The following KIRREL3 variants were observed in gnomAD, a reference collection of about 807,000 sequenced individuals.
KIRREL3 encodes the protein kirre like nephrin family adhesion molecule 3.
A neutral mutation model predicts 89.7 loss-of-function variants in KIRREL3; 36 were observed. That is an observed-to-expected ratio of 0.40 (90% CI 0.31 to 0.53). The LOEUF (loss-of-function observed/expected upper bound fraction) is 0.53. Ranked by LOEUF, KIRREL3 falls within the 20% of genes least tolerant of loss-of-function variation. KIRREL3 has a pLI of 0.49. For missense variants in KIRREL3, 864 were observed against 1,056.6 expected (o/e 0.82, Z 2.53); for synonymous variants, 445 against 441.4 (o/e 1.01, Z -0.10).
At chr11:126,789,525 T>C (rs115906383) in intron 1 of KIRREL3, among the ~76,000 whole-genome samples, 3,527 of 152,244 alleles carry the variant, frequency 0.023, 139 homozygotes, top group African/African-American at 0.081. Flanking sequence ...CACTTCACCT[T>C]CTCTCATTCA....
At chr11:126,581,944 C>T (rs961469753) in intron 1 of KIRREL3, among the ~76,000 whole-genome samples, 2 of 152,114 alleles carry the variant, frequency 1.3e-5, no homozygotes, top group East Asian at 1.9e-4. Context: ...CTCCTGGATC[C>T]CTAGTTACAC....
rs1955104906 is a variant in KIRREL3, at chr11:126,430,905, C to G, written c.1696+514G>C. 1 of 916,154 alleles carries G rather than the reference C, an allele frequency of 1.1e-6. No homozygotes were observed. Among genetic ancestry groups the G allele is most frequent in the Non-Finnish European group, 1.3e-6 (1 of 760,318 alleles). 56.8% of individuals were successfully genotyped at this position (916,154 alleles called of 1,614,324 possible). On this transcript the variant is annotated intron_variant, in intron 14 of 16. Transcript: ENST00000525144. This position sits in a 1 kb window ranked among gnomAD's most constrained non-coding sequence, Gnocchi z 6.6. ...ACGCAATTCTTCAAGCGTGCACAAA[C>G]ACTAGAATTTTATTGGTAATCACTG...
At chr11:126,473,005 G>C (rs1252504372) in intron 5 of KIRREL3, among the ~76,000 whole-genome samples, 20 of 21,916 alleles carry the variant, frequency 9.1e-4, no homozygotes, top group Middle Eastern at 0.033. Flanking sequence ...CCCAGCCCCT[G>C]CCAACCAGCC....
At chr11:126,483,502 A>G (rs1290097214) in intron 4 of KIRREL3, among the ~76,000 whole-genome samples, 1 of 152,218 alleles carries the variant, frequency 6.6e-6, no homozygotes. Flanking sequence ...TGTTTGATTC[A>G]GAACTGGGCC....
chr11:126,986,852 T>C (rs558940553), intron 1 of KIRREL3, among the ~76,000 whole-genome samples: 5 of 152,340 alleles, frequency 3.3e-5, no homozygotes, highest in Admixed American at 6.5e-5. Flanking sequence ...CCTTGTAGAC[T>C]TACTATCAGC....
chr11:126,999,166 G>A lies in KIRREL3; in HGVS notation c.55+1289C>T, dbSNP rs1317600759. On this transcript the variant is annotated intron_variant, in intron 1 of 16. Coordinates refer to ENST00000525144, the MANE Select transcript of KIRREL3 (RefSeq NM_032531.4). The surrounding 1 kb of genome is among the most constrained non-coding windows in gnomAD (Gnocchi z 5.7). ...AATACATGAGTGTGTGTGTGTGTGTGTGTGTACATACATTATCATTATACA... is the reference window on the plus strand; with the variant it reads ...AATACATGAGTGTGTGTGTGTGTGTATGTGTACATACATTATCATTATACA... Among the ~76,000 whole-genome samples, 1 of 151,982 alleles carries A rather than the reference G, an allele frequency of 6.6e-6. No individual in the cohort carries two copies. The highest frequency in any genetic ancestry group is 2.4e-5 in the African/African-American group (1 of 41,298).
chr11:126,869,190 G>A (rs1001017456), intron 1 of KIRREL3, among the ~76,000 whole-genome samples: 7 of 146,576 alleles, frequency 4.8e-5, no homozygotes, highest in Non-Finnish European at 1.0e-4. Context: ...GCAGGACATG[G>A]CAGAATCCCT....
chr11:126,608,220 C>A lies in KIRREL3; in HGVS notation c.56-45308G>T, dbSNP rs538611858. On this transcript the variant is annotated intron_variant, in intron 1 of 16. Coordinates refer to ENST00000525144, the MANE Select transcript of KIRREL3 (RefSeq NM_032531.4). This position sits in a 1 kb window ranked among gnomAD's most constrained non-coding sequence, Gnocchi z 4.9. ...GGTGGGAGAGAAAAGCAGGAGGCAGCTGAAGGGGGCGGTCTCAGAAGCCCC... is the reference window on the plus strand; with the variant it reads ...GGTGGGAGAGAAAAGCAGGAGGCAGATGAAGGGGGCGGTCTCAGAAGCCCC... Among the ~76,000 whole-genome samples the A allele has an allele frequency of 2.4e-4, 36 of 152,266 alleles. No homozygotes were observed. The highest frequency in any genetic ancestry group is 4.4e-4 in the Non-Finnish European group (30 of 68,026).
rs1189788013 is a variant in KIRREL3 at position 126,993,539 on chromosome 11, T to A, written c.55+6916A>T. On this transcript the variant is annotated intron_variant, in intron 1 of 16. Coordinates refer to ENST00000525144, the MANE Select transcript of KIRREL3 (RefSeq NM_032531.4). This position sits in a 1 kb window ranked among gnomAD's most constrained non-coding sequence, Gnocchi z 6.1. ...GCTGATCCACCTGTTTTCAGAACAC[T>A]CTGACAGCTCTGAACCCATCATATT... 6.6e-6 allele frequency among the ~76,000 whole-genome samples: 1 copy of A among 152,198 alleles called. No homozygotes were observed. The highest frequency in any genetic ancestry group is 1.5e-5 in the Non-Finnish European group (1 of 68,026).
chr11:126,715,581 G>C lies in KIRREL3; in HGVS notation c.56-152669C>G, dbSNP rs1947924021. Among the ~76,000 whole-genome samples, 1 of 152,116 alleles carries C rather than the reference G, an allele frequency of 6.6e-6. No homozygotes were observed. Among genetic ancestry groups the C allele is most frequent in the Admixed American group, 6.6e-5 (1 of 15,266 alleles). On this transcript the variant is annotated intron_variant, in intron 1 of 16. Transcript: ENST00000525144. This position sits in a 1 kb window ranked among gnomAD's most constrained non-coding sequence, Gnocchi z 4.4. ...ATTGCAGGCTGCTTGAGAAAATGCA[G>C]TTTGGGAATATAGGAGAACGTGGAC...
intron 1 of KIRREL3, among the ~76,000 whole-genome samples, chr11:126,928,202 G>A (rs1428297719): frequency 1.3e-5 from 2 of 152,254 alleles, no homozygotes; most frequent in African/African-American, 2.4e-5. Context: ...ATGTGCAGGA[G>A]TTTGCTAGGT....
rs909476071 is a variant in KIRREL3 at position 126,929,789 on chromosome 11, A to C, written c.55+70666T>G. On this transcript the variant is annotated intron_variant, in intron 1 of 16. Transcript: ENST00000525144. ...ATTCATCAGGCTGCACATTTGCCTA[A>C]GAGCGATTCCACGCTAAACATAACT... Among the ~76,000 whole-genome samples, 3 of 152,358 alleles carry C rather than the reference A, an allele frequency of 2.0e-5. No individual in the cohort carries two copies. The Middle Eastern group carries it at 0.01, about 518-fold the overall frequency.
rs956194827 is a variant in KIRREL3 at position 126,645,569 on chromosome 11, C to T, written c.56-82657G>A. 2.2e-4 allele frequency among the ~76,000 whole-genome samples: 33 copies of T among 152,140 alleles called. No homozygotes were observed. Among genetic ancestry groups the T allele is most frequent in the African/African-American group, 8.0e-4 (33 of 41,432 alleles). ...TGCACTTGAACTGGGCTACAGTGTTCCACCAGAGGCCTTCCACATCTAAAT... is the reference window on the plus strand; with the variant it reads ...TGCACTTGAACTGGGCTACAGTGTTTCACCAGAGGCCTTCCACATCTAAAT... On this transcript the variant is annotated intron_variant, in intron 1 of 16. Coordinates refer to ENST00000525144, the MANE Select transcript of KIRREL3 (RefSeq NM_032531.4). The surrounding 1 kb of genome is among the most constrained non-coding windows in gnomAD (Gnocchi z 4.9).
rs1361394053 is a variant in KIRREL3 at position 126,985,175 on chromosome 11, C to T, written c.55+15280G>A. Among the ~76,000 whole-genome samples, 2 of 152,112 alleles carry T rather than the reference C, an allele frequency of 1.3e-5. No individual in the cohort carries two copies. Among genetic ancestry groups the T allele is most frequent in the East Asian group, 1.9e-4 (1 of 5,190 alleles). ...GGCAATAATAATGATAAATAGAGCA[C>T]GTTCTCTGATGAAACACTTTCATGG... On this transcript the variant is annotated intron_variant, in intron 1 of 16. Transcript: ENST00000525144. The surrounding 1 kb of genome is among the most constrained non-coding windows in gnomAD (Gnocchi z 5.3).
chr11:126,810,659 T>C (rs1951352688), intron 1 of KIRREL3, among the ~76,000 whole-genome samples: 1 of 152,174 alleles, frequency 6.6e-6, no homozygotes, highest in African/African-American at 2.4e-5. Flanking sequence ...AGAGGCTGCT[T>C]GCAGCCAGAG....
rs921998284 is a variant in KIRREL3 at position 126,769,416 on chromosome 11, A to G, written c.56-206504T>C. The stretch of plus-strand genomic sequence containing the variant: ...TCCTGCAATATCTGTCCAAGTCAAC[A>G]TGAGACATTATTGGATAGATATTGC... On this transcript the variant is annotated intron_variant, in intron 1 of 16. Coordinates refer to ENST00000525144, the MANE Select transcript of KIRREL3 (RefSeq NM_032531.4). The surrounding 1 kb of genome is among the most constrained non-coding windows in gnomAD (Gnocchi z 4.3). 1.3e-5 allele frequency among the ~76,000 whole-genome samples: 2 copies of G among 152,156 alleles called. No individual in the cohort carries two copies. Among genetic ancestry groups the G allele is most frequent in the Admixed American group, 6.5e-5 (1 of 15,278 alleles).
In KIRREL3 at chr11:126,796,792, C is replaced by G. The variant is rs1950826298; in HGVS notation, c.55+203663G>C. On this transcript the variant is annotated intron_variant, in intron 1 of 16. Transcript: ENST00000525144. The surrounding 1 kb of genome is among the most constrained non-coding windows in gnomAD (Gnocchi z 5.1). ...CCAGGCTGAAGCTATCCTCCTACCT[C>G]AGCCTGGCTGATTTTTTCCCACCCC... Among the ~76,000 whole-genome samples the G allele has an allele frequency of 6.6e-6, 1 of 152,176 alleles. No homozygotes were observed.
intron 2 of KIRREL3, among the ~76,000 whole-genome samples, chr11:126,545,967 A>C (rs1294746117): frequency 6.6e-6 from 1 of 152,200 alleles, no homozygotes; most frequent in African/African-American, 2.4e-5. Flanking sequence ...GCTTTGGGCA[A>C]GTTATTTGTC....
upstream of KIRREL3, among the ~76,000 whole-genome samples, chr11:127,001,344 A>G (rs1020117300): frequency 4.7e-5 from 7 of 150,040 alleles, no homozygotes; most frequent in African/African-American, 1.5e-4. Context: ...TAAAACCTGA[A>G]CATTTGGATC....
Sources: allele counts gnomAD v4.1 joint callset (sites outside exome capture counted in the v4.1 genomes callset), GRCh38; gene constraint gnomAD v4.1.1; non-coding constraint Gnocchi (gnomAD v3.1); transcripts MANE v1.5; gene names NCBI Gene and HGNC (gene_info 2026-07-23, HGNC 2026-07-21).